The following NLRP9 variants were observed in gnomAD, a reference collection of about 807,000 sequenced individuals.
The protein encoded by NLRP9 is NLR family pyrin domain containing 9.
NLRP9 carries 88 observed loss-of-function variants against 83.1 expected under a neutral mutation model. The observed-to-expected ratio is 1.06, with a 90% CI of 0.89 to 1.26. NLRP9 has a LOEUF of 1.26. Among genes scored for constraint, NLRP9 ranks in the 50% most tolerant of loss-of-function variants. The pLI is 0.00. For missense variants in NLRP9, 1,308 were observed against 1,179.3 expected, an observed-to-expected ratio of 1.11 and a Z score of -1.60; for synonymous variants, 521 against 447.6, an observed-to-expected ratio of 1.16 and a Z score of -2.07.
intron 3 of NLRP9, among the ~76,000 whole-genome samples, chr19:55,726,394 G>C (rs550175460): frequency 5.6e-4 from 85 of 152,268 alleles, no homozygotes; most frequent in Non-Finnish European, 8.8e-4. Flanking sequence ...CACATAAAAT[G>C]ATAAAAAATG....
At chr19:55,711,585 C>T in intron 8 of NLRP9, 1 of 905,876 alleles carries the variant, frequency 1.1e-6, no homozygotes, top group Non-Finnish European at 1.7e-6. Context: ...GAGGGAAGTG[C>T]TACTGGCAAC....
At chr19:55,711,678 G>C in intron 8 of NLRP9, 122 bp downstream of exon 8, 4 of 980,470 alleles carry the variant, frequency 4.1e-6, no homozygotes, top group Non-Finnish European at 6.2e-6. Flanking sequence ...GGGGCCCAAG[G>C]ACAGGCCCCC....
intron 8 of NLRP9, chr19:55,711,494 G>A: frequency 3.7e-6 from 5 of 1,351,062 alleles, no homozygotes; most frequent in Non-Finnish European, 3.9e-6. Context: ...ATGTTTTATA[G>A]AGCAGTGGTT....
intron 4 of NLRP9, among the ~76,000 whole-genome samples, chr19:55,723,357 G>GA (rs35694894): frequency 0.14 from 21,256 of 150,890 alleles, 1,602 homozygotes; most frequent in Middle Eastern, 0.19. Context: ...TATCTTTAGG[G>GA]AAAAAAAAAT....
chr19:55,734,638 T>TATA (rs1491408593), intron 1 of NLRP9, among the ~76,000 whole-genome samples: 9 of 24,268 alleles, frequency 3.7e-4, no homozygotes, highest in African/African-American at 1.1e-3. Flanking sequence ...TATATATATA[T>TATA]TTTTTTTTTT....
At chr19:55,725,031 C>A (rs1988357402) in intron 3 of NLRP9, among the ~76,000 whole-genome samples, 1 of 152,136 alleles carries the variant, frequency 6.6e-6, no homozygotes, top group Non-Finnish European at 1.5e-5. Context: ...TGCACTCCAG[C>A]CTGGGCAACA....
chr19:55,712,421 C>A lies in NLRP9; in HGVS notation c.2671G>T (p.Gly891Trp). The A allele has an allele frequency of 1.2e-6, 2 of 1,611,426 alleles. No homozygotes were observed. The highest frequency in any genetic ancestry group is 8.5e-7 in the Non-Finnish European group (1 of 1,178,818). Residue 891 changes from glycine to tryptophan, a missense_variant and splice_region_variant, in exon 7 of 9, where the codon GGG becomes TGG. Transcript: ENST00000332836. ...CGATGGTGATCAGTAGATACTCACC[C>A]GAGACACTCTAATTTACAGTGAGGA... ...QHPHCKLECL[G>W]LQTCPITRAC...
intron 4 of NLRP9, among the ~76,000 whole-genome samples, chr19:55,717,867 G>A (rs573592344): frequency 3.9e-5 from 6 of 152,258 alleles, no homozygotes; most frequent in African/African-American, 7.2e-5. Context: ...ACATCCACAC[G>A]CCACGCCCCA....
Position 55,738,097 on chromosome 19 carries a change from C to G in NLRP9, c.278G>C (p.Arg93Thr). 1 of 1,614,060 alleles carries G rather than the reference C, an allele frequency of 6.2e-7. No homozygotes were observed. Among genetic ancestry groups the G allele is most frequent in the Non-Finnish European group, 8.5e-7 (1 of 1,179,968 alleles). Residue 93 changes from arginine to threonine, a missense_variant and splice_region_variant, in exon 1 of 9, where the codon AGA (arginine) becomes ACA (threonine). Coordinates refer to ENST00000332836, the MANE Select transcript of NLRP9 (RefSeq NM_176820.4). The stretch of plus-strand genomic sequence containing the variant: ...TCGCCCCATCATCCAGCACTTACTT[C>G]TCATCTCTTCCTGAGCCTTTGTCCA... The part of the protein sequence containing the change: ...DLWTKAQEEM[R>T]NKLNPYRKHM...
chr19:55,716,977 C>G (rs1291599802), intron 4 of NLRP9, 79 bp from the exon 5 acceptor site: 3 of 1,119,800 alleles, frequency 2.7e-6, no homozygotes, highest in Non-Finnish European at 4.0e-6. Context: ...CCAAACGACA[C>G]CTCTGATTCT....
intron 6 of NLRP9, among the ~76,000 whole-genome samples, chr19:55,713,135 C>T (rs1381403835): frequency 6.6e-6 from 1 of 150,956 alleles, no homozygotes; most frequent in East Asian, 2.0e-4. Context: ...GCTCCTGCCC[C>T]AATTATCAGC....
rs747911398 is a variant in NLRP9, at chr19:55,732,584, C to T, written c.1247G>A (p.Arg416Gln). Reference protein sequence around the residue: ...YTFVFSHGDLRRNGLSESEGV... With the variant: ...YTFVFSHGDLQRNGLSESEGV... ...CTCAGACTCAGATAACCCATTCCTC[C>T]GGAGATCCCCATGGGAAAATACAAA... The change falls in exon 2 of 9, where the codon CGG becomes CAG. Residue 416 changes from arginine (R) to glutamine (Q), a missense_variant. Coordinates refer to ENST00000332836, the MANE Select transcript of NLRP9 (RefSeq NM_176820.4). 142 of 1,614,206 alleles carry T rather than the reference C, an allele frequency of 8.8e-5. No individual in the cohort carries two copies. The highest frequency in any genetic ancestry group is 1.2e-4 in the Non-Finnish European group (140 of 1,180,030).
intron 1 of NLRP9, among the ~76,000 whole-genome samples, chr19:55,734,235 G>C (rs1456731276): frequency 1.3e-5 from 2 of 151,048 alleles, no homozygotes; most frequent in African/African-American, 4.9e-5. Context: ...CAACCAGTAC[G>C]TGCCTGTGGT....
intron 4 of NLRP9, among the ~76,000 whole-genome samples, chr19:55,721,416 C>T (rs1203432545): frequency 6.6e-6 from 1 of 152,180 alleles, no homozygotes; most frequent in Non-Finnish European, 1.5e-5. Context: ...TCCAGGGCCA[C>T]TGCACAGTAT....
intron 6 of NLRP9, among the ~76,000 whole-genome samples, chr19:55,713,347 T>C (rs567662597): frequency 6.6e-6 from 1 of 151,642 alleles, no homozygotes; most frequent in South Asian, 2.1e-4. Flanking sequence ...AGATGAATAG[T>C]TAATAGATGA....
At chr19:55,718,538 TTGGA>T (rs1988108457) in intron 4 of NLRP9, among the ~76,000 whole-genome samples, 1 of 152,148 alleles carries the variant, frequency 6.6e-6, no homozygotes, top group African/African-American at 2.4e-5. Flanking sequence ...ACTGAGATGT[TTGGA>T]TGAAGAGAAA....
At chr19:55,721,116 T>A (rs2122303882) in intron 4 of NLRP9, among the ~76,000 whole-genome samples, 1 of 152,348 alleles carries the variant, frequency 6.6e-6, no homozygotes, top group African/African-American at 2.4e-5. Flanking sequence ...ACTGGAAGTT[T>A]CATAAAAGCA....
Position 55,711,886 on chromosome 19 carries a change from GT to G in NLRP9, c.2756del (p.Asn919ThrfsTer19). 1 of 1,613,412 alleles carries G rather than the reference GT, an allele frequency of 6.2e-7. No individual in the cohort carries two copies. Among genetic ancestry groups the G allele is most frequent in the Non-Finnish European group, 8.5e-7 (1 of 1,179,972 alleles). On this transcript the variant is annotated frameshift_variant, in exon 8 of 9. Coordinates refer to ENST00000332836, the MANE Select transcript of NLRP9 (RefSeq NM_176820.4). LOFTEE classifies it high-confidence loss of function. Reference sequence around the variant, plus strand: ...CAGCATCCAAGGCAATCCAGTCGAGGTTCAGGCTCCTCAGTGTTTTGCAGGC... The same window carrying G: ...CAGCATCCAAGGCAATCCAGTCGAGGTCAGGCTCCTCAGTGTTTTGCAGGC... ...LIACKTLRSL[N>X]LDWIALDADA...
rs59545375 is a variant in NLRP9, at chr19:55,734,363, C to CAAAAAAAAA, written c.281-822_281-814dup. Among the ~76,000 whole-genome samples the CAAAAAAAAA allele has an allele frequency of 6.5e-5, 5 of 76,692 alleles. 1 individual carries two copies. In the East Asian group the frequency reaches 2.0e-3, roughly 31 times the overall value. 50.3% of individuals were successfully genotyped at this position (76,692 alleles called of 152,430 possible). A position where few individuals can be genotyped will look rare whatever the true frequency, so the allele number is the denominator to read the frequency against. On this transcript the variant is annotated intron_variant, in intron 1 of 8. Coordinates refer to ENST00000332836, the MANE Select transcript of NLRP9 (RefSeq NM_176820.4). Reference sequence around the variant, plus strand: ...TGGGCAACAGCCTGACACTCTATCTCAAAAAAAAAAAAAAAAAAAAAAAAA... The same window carrying CAAAAAAAAA: ...TGGGCAACAGCCTGACACTCTATCTCAAAAAAAAAAAAAAAAAAAAAAAAAAAAAAAAAA...
Sources: gnomAD v4.1 joint callset for allele counts (sites outside exome capture counted in the v4.1 genomes callset) on GRCh38, gnomAD v4.1.1 for gene constraint, MANE v1.5 for transcripts, NCBI Gene and HGNC (gene_info 2026-07-23, HGNC 2026-07-21) for gene names.